The following C8orf74 variants were observed in gnomAD, a reference collection of about 807,000 sequenced individuals.
C8orf74 encodes chromosome 8 open reading frame 74, also known as uncharacterized protein C8orf74.
Under a neutral mutation model 22.2 loss-of-function variants are expected in C8orf74, and 29 were observed. That is an observed-to-expected ratio of 1.31 (90% CI 0.97 to 1.78). The LOEUF (loss-of-function observed/expected upper bound fraction) is 1.78. Ranked by LOEUF, C8orf74 falls within the 40% of genes most tolerant of loss-of-function variation. The pLI is 0.00. For synonymous variants in C8orf74, 255 were observed against 163.1 expected (o/e 1.56, Z -4.30); for missense variants, 515 against 369.9 (o/e 1.39, Z -3.22).
intron 3 of C8orf74, among the ~76,000 whole-genome samples, chr8:10,698,798 G>A (rs74950327): frequency 3.9e-5 from 6 of 152,020 alleles, no homozygotes; most frequent in African/African-American, 1.2e-4. Context: ...GCATTGGAGT[G>A]GGGGAGTTGC....
At chr8:10,679,741 C>T (rs1306672119) in intron 2 of C8orf74, among the ~76,000 whole-genome samples, 2 of 152,362 alleles carry the variant, frequency 1.3e-5, no homozygotes, top group Middle Eastern at 3.4e-3. Context: ...CTGGGCCCTG[C>T]AGGCGTGCCT....
chr8:10,691,264 G>A (rs1799374897), intron 2 of C8orf74: 2 of 242,526 alleles, frequency 8.2e-6, no homozygotes, highest in South Asian at 1.1e-4. Flanking sequence ...CCACAGTGGG[G>A]CATCGGCCAG....
intron 2 of C8orf74, among the ~76,000 whole-genome samples, chr8:10,685,975 G>A (rs11996505): frequency 0.13 from 19,590 of 152,016 alleles, 3,770 homozygotes; most frequent in African/African-American, 0.42. Flanking sequence ...AGGCTGAGGC[G>A]GGAGAATCAC....
chr8:10,689,615 T>G (rs1327758982), intron 2 of C8orf74: 1 of 152,124 alleles, frequency 6.6e-6, no homozygotes, highest in Non-Finnish European at 1.5e-5. Flanking sequence ...ATGTGTAACT[T>G]TGGACTCTTC....
chr8:10,692,295 C>G (rs1345616829), intron 2 of C8orf74: 17 of 152,530 alleles, frequency 1.1e-4, no homozygotes, highest in Admixed American at 1.1e-3. Context: ...CCGCCGAGGC[C>G]TTGGCCCTTC....
At chr8:10,675,402 T>A (rs938015668) in intron 2 of C8orf74, among the ~76,000 whole-genome samples, 57 of 152,230 alleles carry the variant, frequency 3.7e-4, no homozygotes, top group African/African-American at 1.4e-3. Flanking sequence ...GAAGTGCAGA[T>A]TCATTCATTA....
chr8:10,678,592 TAAAAAAAAA>T (rs60385154), intron 2 of C8orf74, among the ~76,000 whole-genome samples: 4 of 130,988 alleles, frequency 3.1e-5, no homozygotes, highest in African/African-American at 1.1e-4. Context: ...GGAAGTAATT[TAAAAAAAAA>T]AAAAAAAAAA....
intron 2 of C8orf74, chr8:10,691,194 C>G (rs1280185873): frequency 1.5e-5 from 5 of 344,084 alleles, no homozygotes; most frequent in Non-Finnish European, 1.2e-5. Flanking sequence ...TCCCTGTTGA[C>G]CCAGGACAAG....
At chr8:10,683,036 C>T (rs1032907516) in intron 2 of C8orf74, among the ~76,000 whole-genome samples, 1 of 152,356 alleles carries the variant, frequency 6.6e-6, no homozygotes, top group Non-Finnish European at 1.5e-5. Context: ...AGCTGAGTGA[C>T]TTTTCATTTG....
rs1799573178 is a variant in C8orf74, at chr8:10,698,146, C to T, written c.648+141C>T. 9 of 808,188 alleles carry T rather than the reference C, an allele frequency of 1.1e-5. 1 individual carries two copies. The South Asian group carries it at 1.7e-4, about 15-fold the overall frequency. The allele number at this position is 808,188 out of a possible 1,614,324, so 50.1% of individuals were successfully genotyped here. On this transcript the variant is annotated intron_variant, in intron 3 of 3. Coordinates refer to ENST00000304519, the MANE Select transcript of C8orf74 (RefSeq NM_001040032.2). ...GCAGGGAGGAATCAAGAGTCTACCA[C>T]GAGCTTCGCGGTAGACTAAAGGTAG...
chr8:10,676,273 G>A (rs1239404181), intron 2 of C8orf74, among the ~76,000 whole-genome samples: 11 of 151,960 alleles, frequency 7.2e-5, no homozygotes, highest in African/African-American at 2.2e-4. Context: ...CAGGCTGCAC[G>A]AGGCTGTGTC....
chr8:10,685,547 G>C (rs1799245155), intron 2 of C8orf74, among the ~76,000 whole-genome samples: 1 of 152,186 alleles, frequency 6.6e-6, no homozygotes, highest in African/African-American at 2.4e-5. Context: ...AGATGCAAAA[G>C]AATAAATATC....
intron 2 of C8orf74, among the ~76,000 whole-genome samples, chr8:10,681,718 G>A (rs999371966): frequency 4.6e-5 from 7 of 152,194 alleles, no homozygotes; most frequent in Non-Finnish European, 1.0e-4. Context: ...GCCTCTCTTG[G>A]ACGCTCTTTC....
At chr8:10,677,569 C>T (rs1563155131) in intron 2 of C8orf74, among the ~76,000 whole-genome samples, 1 of 152,068 alleles carries the variant, frequency 6.6e-6, no homozygotes, top group African/African-American at 2.4e-5. Context: ...CCACCCATAC[C>T]ACACCACCTC....
intron 2 of C8orf74, among the ~76,000 whole-genome samples, chr8:10,679,309 G>A (rs558329883): frequency 2.7e-4 from 41 of 152,244 alleles, no homozygotes; most frequent in African/African-American, 9.4e-4. Flanking sequence ...GGGCTCCACT[G>A]TCCACCTGGA....
intron 2 of C8orf74, among the ~76,000 whole-genome samples, chr8:10,684,039 A>T (rs1799210516): frequency 6.6e-6 from 1 of 152,174 alleles, no homozygotes; most frequent in Non-Finnish European, 1.5e-5. Context: ...GCAGCAGGAC[A>T]GGAGCCCCGT....
intron 2 of C8orf74, among the ~76,000 whole-genome samples, chr8:10,694,245 A>T (rs1395277759): frequency 1.3e-5 from 2 of 152,166 alleles, no homozygotes; most frequent in Non-Finnish European, 2.9e-5. Flanking sequence ...AGAATCTTAC[A>T]TAGTGCCGAG....
chr8:10,685,800 T>C (rs1434410960), intron 2 of C8orf74, among the ~76,000 whole-genome samples: 1 of 152,250 alleles, frequency 6.6e-6, no homozygotes, highest in Non-Finnish European at 1.5e-5. Flanking sequence ...CCGGGTAAAG[T>C]GGCTCACGCC....
At chr8:10,677,837 T>C (rs1013354426) in intron 2 of C8orf74, among the ~76,000 whole-genome samples, 4 of 152,186 alleles carry the variant, frequency 2.6e-5, no homozygotes, top group African/African-American at 9.7e-5. Context: ...GTACACAGAT[T>C]GGCATCAGGC....
Sources: gnomAD v4.1 joint callset for allele counts (sites outside exome capture counted in the v4.1 genomes callset) on GRCh38, gnomAD v4.1.1 for gene constraint, MANE v1.5 for transcripts, NCBI Gene and HGNC (gene_info 2026-07-23, HGNC 2026-07-21) for gene names.